Variants in MADCAM1 observed in about 807,000 individuals in gnomAD.
The protein encoded by MADCAM1 is mucosal vascular addressin cell adhesion molecule 1, also known as mucosal addressin cell adhesion molecule 1.
In MADCAM1, 19 loss-of-function variants were observed where a neutral mutation model predicts 26.1. The ratio of observed to expected loss-of-function variants is 0.73; its 90% CI spans 0.51 to 1.07. The LOEUF is 1.07. Ranked by LOEUF, MADCAM1 falls within the 50% of genes least tolerant of loss-of-function variation. The probability of loss-of-function intolerance (pLI) is 0.00; values close to 1 mark genes in which losing one functional copy is unlikely to be tolerated. For synonymous variants in MADCAM1, 268 were observed against 260.9 expected (o/e 1.03, Z -0.26); for missense variants, 514 against 542.1 (o/e 0.95, Z 0.51).
chr19:500,125 C>A (rs1352363241), intron 3 of MADCAM1: 1 of 456,126 alleles, frequency 2.2e-6, no homozygotes, highest in East Asian at 6.9e-5. Flanking sequence ...AGAAAGCCCC[C>A]AAGCACCTTC....
In MADCAM1 at chr19:497,700, C is replaced by T. The variant is rs1468373116; in HGVS notation, c.53-133C>T. ...GTCCGGGTAGCGGCGGGGCAGGGGT[C>T]CGGGGGTGCAGCGGAGGGTCCGGGA... On this transcript the variant is annotated intron_variant, in intron 1 of 4. Transcript: ENST00000215637. 43 of 699,332 alleles carry T rather than the reference C, an allele frequency of 6.1e-5. 1 individual carries two copies. In the East Asian group the frequency reaches 1.5e-3, roughly 25 times the overall value. The allele number at this position is 699,332 out of a possible 1,614,324, so 43.3% of individuals were successfully genotyped here.
chr19:504,965 A>G lies in MADCAM1; in HGVS notation c.1149A>G (p.Ter383TrpextTer18). The change falls in exon 5 of 5, where the codon TGA becomes TGG. Residue 383 changes from the stop codon to tryptophan (W), a stop_lost. Transcript: ENST00000215637. The part of the protein sequence containing the change: ...GTGQVGISPS[*>W] ...GCCAGGTCGGGATCAGCCCCTCCTG[A>G]GTGGCCAGCCTTTCCCCCTGTGAAA... The G allele has an allele frequency of 6.3e-7, 1 of 1,585,886 alleles. No homozygotes were observed. The highest frequency in any genetic ancestry group is 8.6e-7 in the Non-Finnish European group (1 of 1,159,242).
rs568012439 is a variant in MADCAM1, at chr19:502,052, A to G, written c.928+123A>G. On this transcript the variant is annotated intron_variant, in intron 4 of 4. Transcript: ENST00000215637. The stretch of plus-strand genomic sequence containing the variant: ...TTGGTTTCCCCGTCTGCCCAGCCTC[A>G]GTTTCCCCGTCTGCCCAGCCTCGGT... The G allele has an allele frequency of 2.4e-3, 2,559 of 1,073,542 alleles. 7 individuals carry two copies. The highest frequency in any genetic ancestry group is 4.1e-3 in the Middle Eastern group (13 of 3,154). 66.5% of individuals were successfully genotyped at this position (1,073,542 alleles called of 1,614,324 possible). A position where few individuals can be genotyped will look rare whatever the true frequency, so the allele number is the denominator to read the frequency against.
chr19:502,786 G>T (rs1374674234), intron 4 of MADCAM1, among the ~76,000 whole-genome samples: 1 of 152,124 alleles, frequency 6.6e-6, no homozygotes. Context: ...CACACATTTG[G>T]GTCGCCCTTA....
rs1978296279 is a variant in MADCAM1, at chr19:498,362, C to T, written c.338-134C>T. ...GGGGCCACGGGGCCTGCGCACAGGC[C>T]GTCCCTACTGCCTGTTCATCAGCAG... On this transcript the variant is annotated intron_variant, in intron 2 of 4. Transcript: ENST00000215637. The T allele has an allele frequency of 9.8e-6, 10 of 1,017,040 alleles. No individual in the cohort carries two copies. The East Asian group carries it at 1.3e-4, about 13-fold the overall frequency. The allele number at this position is 1,017,040 out of a possible 1,614,324, so 63.0% of individuals were successfully genotyped here.
At chr19:497,771 G>C in intron 1 of MADCAM1, 62 bp from the exon 2 acceptor site, 1 of 1,212,266 alleles carries the variant, frequency 8.2e-7, no homozygotes, top group African/African-American at 1.6e-5. Context: ...CGGGACGCAG[G>C]GCCGGTGGCG....
intron 4 of MADCAM1, 127 bp downstream of exon 4, chr19:502,056 T>C: frequency 9.4e-7 from 1 of 1,063,348 alleles, no homozygotes; most frequent in Non-Finnish European, 1.3e-6. Flanking sequence ...AGCCTCAGTT[T>C]CCCCGTCTGC....
At position 502,930 on chromosome 19, in the gene MADCAM1, G is replaced by A. The variant is rs1179974436; in HGVS notation, c.928+1001G>A. Among the ~76,000 whole-genome samples, 4 of 152,172 alleles carry A rather than the reference G, an allele frequency of 2.6e-5. No homozygotes were observed. In the East Asian group the frequency reaches 5.8e-4, roughly 22 times the overall value. ...CAAACAAGGAGAGGAAGTTGCTTAC[G>A]AAAGATTTGAGGAAGCAGTAACATT... On this transcript the variant is annotated intron_variant, in intron 4 of 4. Coordinates refer to ENST00000215637, the MANE Select transcript of MADCAM1 (RefSeq NM_130760.3).
In MADCAM1 at chr19:502,075, G is replaced by A. The variant is rs535839860; in HGVS notation, c.928+146G>A. On this transcript the variant is annotated intron_variant, in intron 4 of 4. Coordinates refer to ENST00000215637, the MANE Select transcript of MADCAM1 (RefSeq NM_130760.3). The stretch of plus-strand genomic sequence containing the variant: ...TCAGTTTCCCCGTCTGCCCAGCCTC[G>A]GTTTCCCCATCTGCCCAGCCTCGGT... 303 of 939,072 alleles carry A rather than the reference G, an allele frequency of 3.2e-4. 3 individuals carry two copies. In the South Asian group the frequency reaches 5.1e-3, roughly 16 times the overall value. 58.2% of individuals were successfully genotyped at this position (939,072 alleles called of 1,614,324 possible). A position where few individuals can be genotyped will look rare whatever the true frequency, so the allele number is the denominator to read the frequency against.
At chr19:503,328 T>C (rs1978433731) in intron 4 of MADCAM1, among the ~76,000 whole-genome samples, 1 of 147,298 alleles carries the variant, frequency 6.8e-6, no homozygotes, top group Non-Finnish European at 1.5e-5. Context: ...ATGCCTGTAA[T>C]CCCTGCACTT....
intron 3 of MADCAM1, chr19:499,152 T>A: frequency 1.8e-6 from 1 of 565,326 alleles, no homozygotes; most frequent in Non-Finnish European, 3.4e-6. Flanking sequence ...CTCCCCCTCC[T>A]CATTCTGCTG....
At chr19:503,044 C>A (rs1009380589) in intron 4 of MADCAM1, among the ~76,000 whole-genome samples, 1 of 152,192 alleles carries the variant, frequency 6.6e-6, no homozygotes, top group Non-Finnish European at 1.5e-5. Flanking sequence ...ACTAACTGGG[C>A]TAAAGTGTAA....
In MADCAM1 at chr19:498,563, G is replaced by A. The variant is rs770741923; in HGVS notation, c.405G>A (p.Thr135=). ...CTGGTGACCCGGAGGTGGCCTGTAC[G>A]GCCCACAAAGTCACGCCCGTGGACC... ...LVPGDPEVAC[T]AHKVTPVDPN... Residue 135 remains threonine, a synonymous_variant, in exon 3 of 5, where the codon ACG becomes ACA. Coordinates refer to ENST00000215637, the MANE Select transcript of MADCAM1 (RefSeq NM_130760.3). 6 of 1,476,758 alleles carry A rather than the reference G, an allele frequency of 4.1e-6. No homozygotes were observed. Among genetic ancestry groups the A allele is most frequent in the African/African-American group, 2.9e-5 (2 of 68,552 alleles). 91.5% of individuals were successfully genotyped at this position (1,476,758 alleles called of 1,614,324 possible). A position where few individuals can be genotyped will look rare whatever the true frequency, so the allele number is the denominator to read the frequency against.
At position 501,976 on chromosome 19, in the gene MADCAM1, C is replaced by G. The variant is rs117914445; in HGVS notation, c.928+47C>G. ...CAGGGAGGGTGGGAAGGGCTGAGAGCGAGAGGTTCCTTGGATGAAGACTTT... is the reference window on the plus strand; with the variant it reads ...CAGGGAGGGTGGGAAGGGCTGAGAGGGAGAGGTTCCTTGGATGAAGACTTT... On this transcript the variant is annotated intron_variant, in intron 4 of 4. Transcript: ENST00000215637. 11,199 of 1,429,634 alleles carry G rather than the reference C, an allele frequency of 7.8e-3. 99 individuals carry two copies. The highest frequency in any genetic ancestry group is 0.015 in the South Asian group (982 of 67,028). The allele number at this position is 1,429,634 out of a possible 1,614,324, so 88.6% of individuals were successfully genotyped here. A position where few individuals can be genotyped will look rare whatever the true frequency, so the allele number is the denominator to read the frequency against.
rs1978462552 is a variant in MADCAM1, at chr19:503,558, GA to G, written c.929-1186del. ...ATCGCGCCACTGCACTCCAACCTGG[GA>G]GACAGCAAGACTCCGTCTCAAAAAA... is the stretch of plus-strand genomic sequence containing the variant. On this transcript the variant is annotated intron_variant, in intron 4 of 4. Coordinates refer to ENST00000215637, the MANE Select transcript of MADCAM1 (RefSeq NM_130760.3). Among the ~76,000 whole-genome samples the G allele has an allele frequency of 3.0e-5, 4 of 132,240 alleles. No homozygotes were observed. The South Asian group carries it at 7.2e-4, about 24-fold the overall frequency. 86.8% of individuals were successfully genotyped at this position (132,240 alleles called of 152,430 possible).
In MADCAM1 at chr19:498,883, G is replaced by A. The variant is rs1249191228; in HGVS notation, c.667+58G>A. On this transcript the variant is annotated intron_variant, in intron 3 of 4. Transcript: ENST00000215637. ...GCTCGCCAGCCTTGACAAGCACTTC[G>A]GGACGGGGTGGGGGGGTGGGGGGGC... 14 of 1,503,438 alleles carry A rather than the reference G, an allele frequency of 9.3e-6. No homozygotes were observed. In the Admixed American group the frequency reaches 1.4e-4, roughly 15 times the overall value. 93.1% of individuals were successfully genotyped at this position (1,503,438 alleles called of 1,614,324 possible).
At chr19:501,083 G>A (rs1600388195) in intron 3 of MADCAM1, among the ~76,000 whole-genome samples, 2 of 151,864 alleles carry the variant, frequency 1.3e-5, no homozygotes, top group Admixed American at 6.6e-5. Context: ...CAGCTACTCA[G>A]GAGGCTGAGT....
intron 4 of MADCAM1, among the ~76,000 whole-genome samples, chr19:504,239 C>T (rs1978499549): frequency 6.6e-6 from 1 of 150,468 alleles, no homozygotes; most frequent in Non-Finnish European, 1.5e-5. Context: ...GTGAGCCGTC[C>T]TCTCTCCGGT....
At chr19:503,425 CA>C (rs567353364) in intron 4 of MADCAM1, among the ~76,000 whole-genome samples, 2 of 150,676 alleles carry the variant, frequency 1.3e-5, no homozygotes, top group Non-Finnish European at 2.9e-5. Context: ...ACTAAAAATA[CA>C]AAAAATTAGC....
Sources: gnomAD v4.1 joint callset for allele counts (sites outside exome capture counted in the v4.1 genomes callset) on GRCh38, gnomAD v4.1.1 for gene constraint, MANE v1.5 for transcripts, NCBI Gene and HGNC (gene_info 2026-07-23, HGNC 2026-07-21) for gene names.